The following TTLL7 variants were observed in gnomAD, a reference collection of about 807,000 sequenced individuals.
TTLL7 encodes the protein tubulin polyglutamylase TTLL7.
Under a neutral mutation model 120.2 loss-of-function variants are expected in TTLL7, and 53 were observed. The observed-to-expected ratio is 0.44, with a 90% CI of 0.35 to 0.55. The LOEUF (loss-of-function observed/expected upper bound fraction) is 0.55, where lower values mean the gene tolerates loss of function less well. TTLL7 is among the 20% of genes least tolerant of loss of function. The pLI is 0.00. For synonymous variants in TTLL7, 353 were observed against 351.7 expected (o/e 1.00, Z -0.04); for missense variants, 803 against 1,054.7 (o/e 0.76, Z 3.31).
At chr1:83,985,967 T>C (rs1652401027) in intron 1 of TTLL7, among the ~76,000 whole-genome samples, 1 of 152,186 alleles carries the variant, frequency 6.6e-6, no homozygotes, top group Non-Finnish European at 1.5e-5. Context: ...GGTTTTATTA[T>C]GGGATTTTGC....
chr1:83,950,646 T>C (rs1450095404), intron 3 of TTLL7, among the ~76,000 whole-genome samples: 1 of 152,208 alleles, frequency 6.6e-6, no homozygotes, highest in African/African-American at 2.4e-5. Flanking sequence ...GCATTTTTCT[T>C]CCACTGAATT....
Position 83,893,440 on chromosome 1 carries a change from G to A in TTLL7, c.2209-2959C>T, listed in dbSNP as rs145389318. Among the ~76,000 whole-genome samples the A allele has an allele frequency of 5.0e-3, 761 of 152,064 alleles. 13 individuals are homozygous for A. Among genetic ancestry groups the A allele is most frequent in the African/African-American group, 0.018 (727 of 41,522 alleles). On this transcript the variant is annotated intron_variant, in intron 18 of 20. Transcript: ENST00000260505. ...ATTCTGATCTCCATTCATCAAAGTGGATTTTTCACTTTTTGTTTTATCTAG... is the reference window on the plus strand; with the variant it reads ...ATTCTGATCTCCATTCATCAAAGTGAATTTTTCACTTTTTGTTTTATCTAG...
At chr1:83,892,952 A>AAGAAAGAAAGAAAGAAAGAAAGAAGG (rs143741135) in intron 18 of TTLL7, among the ~76,000 whole-genome samples, 9 of 129,058 alleles carry the variant, frequency 7.0e-5, no homozygotes, top group African/African-American at 2.7e-4. Flanking sequence ...GAAAGAAAGA[A>AAGAAAGAAAGAAAGAAAGAAAGAAGG]AAGAATAAAA....
At chr1:83,894,456 C>T (rs1212256094) in intron 18 of TTLL7, among the ~76,000 whole-genome samples, 1 of 152,094 alleles carries the variant, frequency 6.6e-6, no homozygotes, top group Non-Finnish European at 1.5e-5. Flanking sequence ...TCAAGGGCAA[C>T]TAACATGTAT....
chr1:83,948,184 A>ACACAC (rs1648695209), intron 5 of TTLL7, among the ~76,000 whole-genome samples: 2 of 147,370 alleles, frequency 1.4e-5, no homozygotes, highest in Admixed American at 6.8e-5. Flanking sequence ...GACACACACA[A>ACACAC]ACACACACAC....
intron 10 of TTLL7, among the ~76,000 whole-genome samples, chr1:83,928,538 C>T (rs1049690903): frequency 2.6e-5 from 4 of 152,146 alleles, no homozygotes; most frequent in Non-Finnish European, 4.4e-5. Flanking sequence ...AGCCCTACAT[C>T]CCTACCAGCC....
chr1:83,943,842 CAACTA>C (rs1415099393), intron 6 of TTLL7, among the ~76,000 whole-genome samples: 1 of 152,020 alleles, frequency 6.6e-6, no homozygotes, highest in Admixed American at 6.5e-5. Flanking sequence ...ACTGGATAAT[CAACTA>C]TTTAAAATTT....
At position 83,867,151 on chromosome 1, in the gene TTLL7, C is replaced by T. The variant is rs573367952; in HGVS notation, c.*2811G>A. The T allele has an allele frequency of 1.1e-4, 16 of 152,048 alleles. No individual in the cohort carries two copies. The highest frequency in any genetic ancestry group is 3.6e-4 in the African/African-American group (15 of 41,532). The allele number at this position is 152,048 out of a possible 1,614,324, so 9.4% of individuals were successfully genotyped here. A position where few individuals can be genotyped will look rare whatever the true frequency, so the allele number is the denominator to read the frequency against. ...AAAGGGAGTCACACCTGTACAATCA[C>T]TTATGCTTATATGTTTTAACCTATG... is the stretch of plus-strand genomic sequence containing the variant. On this transcript the variant is annotated 3_prime_UTR_variant, in exon 21 of 21. Coordinates refer to ENST00000260505, the MANE Select transcript of TTLL7 (RefSeq NM_024686.6).
chr1:83,953,866 C>A (rs115161572), intron 1 of TTLL7, among the ~76,000 whole-genome samples: 1 of 152,022 alleles, frequency 6.6e-6, no homozygotes, highest in Non-Finnish European at 1.5e-5. Flanking sequence ...CAGTACATGC[C>A]GCAAGATATG....
At chr1:83,930,353 T>C (rs1557668101) in intron 9 of TTLL7, among the ~76,000 whole-genome samples, 1 of 152,176 alleles carries the variant, frequency 6.6e-6, no homozygotes, top group Non-Finnish European at 1.5e-5. Context: ...GTACTCCTTT[T>C]ATAGAGATAT....
Position 83,911,312 on chromosome 1 carries a change from A to G in TTLL7, c.1639T>C (p.Cys547Arg). ...STEIMKRPKYCSSDSSYDSSS... is the reference protein window; with the variant it reads ...STEIMKRPKYRSSDSSYDSSS... ...CTATCATAACTGCTGTCACTGCTGC[A>G]GTACTTTGGTCTTTTCATTATCTCA... The change falls in exon 15 of 21, where the codon TGC becomes CGC. Residue 547 changes from cysteine to arginine, a missense_variant. Cys to Arg is a radical substitution (Grantham distance 180). Transcript: ENST00000260505. 6.2e-7 allele frequency: 1 copy of G among 1,613,836 alleles called. No individual in the cohort carries two copies. Among genetic ancestry groups the G allele is most frequent in the East Asian group, 2.2e-5 (1 of 44,830 alleles).
chr1:83,899,376 C>A (rs1193583158), intron 18 of TTLL7, among the ~76,000 whole-genome samples: 1 of 151,888 alleles, frequency 6.6e-6, no homozygotes, highest in African/African-American at 2.4e-5. Context: ...CAAGTTGCAC[C>A]TGTTTAAATC....
At position 83,973,466 on chromosome 1, in the gene TTLL7, T is replaced by C. The variant is rs1012970163; in HGVS notation, c.-176-21079A>G. The stretch of plus-strand genomic sequence containing the variant: ...TGCCAATACCATACTGTTTCAATTG[T>C]TGTAGTTTTATAGTAAGTCTTAAAG... On this transcript the variant is annotated intron_variant, in intron 1 of 20. Coordinates refer to ENST00000260505, the MANE Select transcript of TTLL7 (RefSeq NM_024686.6). 1.1e-4 allele frequency among the ~76,000 whole-genome samples: 17 copies of C among 152,180 alleles called. 1 individual carries two copies. In the East Asian group the frequency reaches 2.1e-3, roughly 19 times the overall value.
chr1:83,885,654 T>C (rs1157034339), intron 19 of TTLL7, among the ~76,000 whole-genome samples: 3 of 151,988 alleles, frequency 2.0e-5, no homozygotes, highest in Non-Finnish European at 4.4e-5. Flanking sequence ...CTCAAGAAAA[T>C]GAAAGCAACC....
At chr1:83,966,711 T>G (rs941777636) in intron 1 of TTLL7, among the ~76,000 whole-genome samples, 1 of 152,122 alleles carries the variant, frequency 6.6e-6, no homozygotes, top group African/African-American at 2.4e-5. Context: ...TTTGGTTCTA[T>G]CCATACTGTT....
intron 1 of TTLL7, among the ~76,000 whole-genome samples, chr1:83,965,774 T>A (rs114659336): frequency 0.042 from 6,347 of 152,182 alleles, 156 homozygotes; most frequent in Middle Eastern, 0.099. Context: ...TTATTTAAAT[T>A]ATTAAATATT....
chr1:83,888,511 T>C (rs945889059), intron 19 of TTLL7, among the ~76,000 whole-genome samples: 1 of 152,010 alleles, frequency 6.6e-6, no homozygotes, highest in Non-Finnish European at 1.5e-5. Context: ...ATGGAGAATA[T>C]TCTGAGATCA....
At chr1:83,916,988 C>A (rs1280337838) in intron 14 of TTLL7, among the ~76,000 whole-genome samples, 3 of 151,754 alleles carry the variant, frequency 2.0e-5, no homozygotes, top group African/African-American at 7.3e-5. Context: ...GTAATCCCAG[C>A]TACTCAGGAG....
chr1:83,984,728 C>T (rs886248777), intron 1 of TTLL7, among the ~76,000 whole-genome samples: 1 of 152,052 alleles, frequency 6.6e-6, no homozygotes, highest in African/African-American at 2.4e-5. Context: ...ACATGGGGTA[C>T]TCACAGACAT....
Sources: gnomAD v4.1 joint callset for allele counts (sites outside exome capture counted in the v4.1 genomes callset) on GRCh38, gnomAD v4.1.1 for gene constraint, MANE v1.5 for transcripts, NCBI Gene and HGNC (gene_info 2026-07-23, HGNC 2026-07-21) for gene names.